DNM3: variants seen among roughly 807,000 people sequenced by gnomAD.
DNM3 encodes dynamin-3.
Under a neutral mutation model 101.6 loss-of-function variants are expected in DNM3, and 47 were observed. The observed-to-expected ratio is 0.46, with a 90% CI of 0.37 to 0.59. DNM3 has a LOEUF of 0.59. Among genes scored for constraint, DNM3 ranks in the 20% least tolerant of loss-of-function variants. The probability of loss-of-function intolerance (pLI) is 0.00; values close to 1 mark genes in which losing one functional copy is unlikely to be tolerated. For synonymous variants in DNM3, 385 were observed against 387.9 expected (o/e 0.99, Z 0.09); for missense variants, 849 against 1,085.7 (o/e 0.78, Z 3.06).
intron 13 of DNM3, among the ~76,000 whole-genome samples, chr1:172,108,766 G>A (rs1457017172): frequency 1.3e-5 from 2 of 152,120 alleles, no homozygotes; most frequent in Admixed American, 6.5e-5. Context: ...TTGAAGCTTT[G>A]CACTGTACAC....
chr1:172,146,610 T>C (rs559750762), intron 14 of DNM3, among the ~76,000 whole-genome samples: 1 of 152,236 alleles, frequency 6.6e-6, no homozygotes, highest in South Asian at 2.1e-4. Flanking sequence ...TGTGACTAAA[T>C]ACAATCTAAT....
chr1:172,059,681 T>C (rs1303230747), intron 10 of DNM3, among the ~76,000 whole-genome samples: 7 of 100,812 alleles, frequency 6.9e-5, no homozygotes, highest in African/African-American at 1.3e-4. Context: ...AATTAGGTAT[T>C]GATGGGACGT....
chr1:172,403,136 C>G (rs561471883), intron 20 of DNM3, among the ~76,000 whole-genome samples: 2 of 152,270 alleles, frequency 1.3e-5, no homozygotes. Flanking sequence ...AAATTCTGCA[C>G]TGAAAGTCAT....
chr1:172,014,953 T>C (rs2047355281), intron 4 of DNM3, among the ~76,000 whole-genome samples: 1 of 152,156 alleles, frequency 6.6e-6, no homozygotes, highest in South Asian at 2.1e-4. Flanking sequence ...AGTTAATTTT[T>C]ATTAGGAGTG....
intron 11 of DNM3, among the ~76,000 whole-genome samples, chr1:172,077,927 GA>G (rs1282028389): frequency 6.6e-6 from 1 of 152,158 alleles, no homozygotes; most frequent in Non-Finnish European, 1.5e-5. Flanking sequence ...ATTATTGTGT[GA>G]AAGTCTAAAT....
intron 2 of DNM3, among the ~76,000 whole-genome samples, chr1:171,942,658 G>A (rs1329788166): frequency 6.6e-6 from 1 of 152,170 alleles, no homozygotes; most frequent in Non-Finnish European, 1.5e-5. Context: ...TAGTATTTTA[G>A]ATAATGTTAA....
chr1:172,400,008 T>A (rs189444983), intron 20 of DNM3: 2 of 152,262 alleles, frequency 1.3e-5, no homozygotes, highest in East Asian at 3.9e-4. Context: ...TCCCCATGCT[T>A]GAAAGGTTCT....
chr1:172,387,396 T>C (rs771033040), intron 19 of DNM3, 37 bp downstream of exon 19: 2 of 1,548,312 alleles, frequency 1.3e-6, no homozygotes, highest in Non-Finnish European at 1.8e-6. Flanking sequence ...GGTGGCTCGC[T>C]CCTGTAATCC....
chr1:172,054,375 C>G (rs2050421847), intron 10 of DNM3, among the ~76,000 whole-genome samples: 1 of 152,192 alleles, frequency 6.6e-6, no homozygotes, highest in South Asian at 2.1e-4. Flanking sequence ...GGCTTCATGC[C>G]AGGGACATCT....
At chr1:172,139,936 C>A (rs2057477146) in intron 14 of DNM3, 1 of 152,026 alleles carries the variant, frequency 6.6e-6, no homozygotes, top group South Asian at 2.1e-4. Context: ...ATTCCCCTCC[C>A]CTTTTAAAAA....
intron 14 of DNM3, among the ~76,000 whole-genome samples, chr1:172,232,677 T>C (rs547969179): frequency 6.6e-6 from 1 of 152,286 alleles, no homozygotes; most frequent in East Asian, 1.9e-4. Context: ...ACAGAAATTA[T>C]AACAAACTGT....
At chr1:172,391,515 A>G (rs2069528545) in intron 20 of DNM3, among the ~76,000 whole-genome samples, 2 of 152,354 alleles carry the variant, frequency 1.3e-5, no homozygotes, top group East Asian at 3.9e-4. Context: ...TCAAAAAAAG[A>G]AAGGAAGAGA....
intron 14 of DNM3, among the ~76,000 whole-genome samples, chr1:172,182,972 C>T (rs2059399364): frequency 6.6e-6 from 1 of 152,004 alleles, no homozygotes. Flanking sequence ...ATCATGACAA[C>T]TGAGTATAGT....
At chr1:172,310,198 C>T (rs2065022335) in intron 16 of DNM3, 1 of 152,190 alleles carries the variant, frequency 6.6e-6, no homozygotes, top group Non-Finnish European at 1.5e-5. Context: ...TTGTTTTTAA[C>T]TCTATTACTT....
At chr1:172,116,384 CT>C (rs2055893333) in intron 13 of DNM3, among the ~76,000 whole-genome samples, 1 of 152,222 alleles carries the variant, frequency 6.6e-6, no homozygotes. Context: ...CATCATCCCC[CT>C]ATTTCCTTGC....
At chr1:172,199,330 A>T (rs957653971) in intron 14 of DNM3, among the ~76,000 whole-genome samples, 2 of 152,094 alleles carry the variant, frequency 1.3e-5, no homozygotes, top group Non-Finnish European at 2.9e-5. Flanking sequence ...ATGTCCAATT[A>T]TATGGTCTAT....
At chr1:172,002,677 T>A (rs1301001266) in intron 4 of DNM3, among the ~76,000 whole-genome samples, 1 of 152,090 alleles carries the variant, frequency 6.6e-6, no homozygotes, top group Non-Finnish European at 1.5e-5. Flanking sequence ...TTTATGAAAG[T>A]ATATATTCTT....
At position 172,394,806 on chromosome 1, in the gene DNM3, A is replaced by G. The variant is rs115276483; in HGVS notation, c.2522+5997A>G. ...TCTTCCTGCAACCAGTCAGTAGCAA[A>G]TTGTCACCAGTTGGAATCTGCTGAA... is the stretch of plus-strand genomic sequence containing the variant. On this transcript the variant is annotated intron_variant, in intron 20 of 20. Transcript: ENST00000627582. Among the ~76,000 whole-genome samples the G allele has an allele frequency of 1.4e-3, 216 of 152,284 alleles. 1 individual carries two copies. The highest frequency in any genetic ancestry group is 5.1e-3 in the African/African-American group (210 of 41,550).
At chr1:171,969,015 G>C (rs1012175805) in intron 2 of DNM3, among the ~76,000 whole-genome samples, 1 of 152,116 alleles carries the variant, frequency 6.6e-6, no homozygotes, top group Non-Finnish European at 1.5e-5. Context: ...TCTTAGAAAA[G>C]CTATAATAAC....
Sources: allele counts gnomAD v4.1 joint callset (sites outside exome capture counted in the v4.1 genomes callset), GRCh38; gene constraint gnomAD v4.1.1; transcripts MANE v1.5; gene names NCBI Gene and HGNC (gene_info 2026-07-23, HGNC 2026-07-21).